Variants in KIF15 observed in about 807,000 individuals in gnomAD.
KIF15 encodes the protein kinesin family member 15, also known as kinesin-like protein KIF15.
In KIF15, 140 loss-of-function variants were observed where a neutral mutation model predicts 190.6. The observed-to-expected ratio is 0.73, with a 90% CI of 0.64 to 0.84. The LOEUF (loss-of-function observed/expected upper bound fraction) is 0.84. KIF15 is among the 40% of genes least tolerant of loss of function. KIF15 has a pLI of 0.00. For missense variants in KIF15, 1,372 were observed against 1,584.4 expected (o/e 0.87, Z 2.28); for synonymous variants, 528 against 551.3 (o/e 0.96, Z 0.59).
At chr3:44,847,194 T>G (rs1698885847) in intron 30 of KIF15, among the ~76,000 whole-genome samples, 1 of 152,198 alleles carries the variant, frequency 6.6e-6, no homozygotes, top group Non-Finnish European at 1.5e-5. Flanking sequence ...GAAAGAAACC[T>G]CACTGTAGCT....
chr3:44,841,554 C>T (rs1460440815), intron 29 of KIF15, among the ~76,000 whole-genome samples: 1 of 151,992 alleles, frequency 6.6e-6, no homozygotes, highest in Non-Finnish European at 1.5e-5. Context: ...CCCGCCACCA[C>T]ACTCGGCTAA....
At chr3:44,822,373 G>A (rs1451445590) in intron 20 of KIF15, among the ~76,000 whole-genome samples, 2 of 152,140 alleles carry the variant, frequency 1.3e-5, no homozygotes, top group Non-Finnish European at 2.9e-5. Flanking sequence ...TGAGAGATCC[G>A]CTGTTAGTCT....
At chr3:44,774,573 C>A in intron 2 of KIF15, 136 bp downstream of exon 2, 1 of 694,106 alleles carries the variant, frequency 1.4e-6, no homozygotes, top group Non-Finnish European at 2.5e-6. Flanking sequence ...TGTGGGAAAA[C>A]TGCATATTAC....
At chr3:44,851,997 A>G in intron 33 of KIF15, 45 bp downstream of exon 33, 1 of 1,576,584 alleles carries the variant, frequency 6.3e-7, no homozygotes, top group Non-Finnish European at 8.6e-7. Context: ...GAACACTCAA[A>G]TGAATAGAAC....
chr3:44,846,400 GT>G (rs968092703), intron 30 of KIF15, among the ~76,000 whole-genome samples: 37 of 149,368 alleles, frequency 2.5e-4, no homozygotes, highest in Admixed American at 5.4e-4. Context: ...GTTTTAATGT[GT>G]TTTTTTTTTC....
At chr3:44,802,576 A>G (rs1707328436) in intron 13 of KIF15, among the ~76,000 whole-genome samples, 1 of 152,108 alleles carries the variant, frequency 6.6e-6, no homozygotes, top group Non-Finnish European at 1.5e-5. Context: ...CCTTGTGCTT[A>G]CCTCCTTAGG....
intron 7 of KIF15, among the ~76,000 whole-genome samples, chr3:44,788,242 G>T (rs1706506346): frequency 6.6e-6 from 1 of 152,176 alleles, no homozygotes; most frequent in Admixed American, 6.5e-5. Flanking sequence ...CAGCCACCTT[G>T]CTGTCTTAAA....
chr3:44,823,760 G>A (rs1384523813), intron 20 of KIF15, among the ~76,000 whole-genome samples: 9 of 152,214 alleles, frequency 5.9e-5, no homozygotes, highest in Non-Finnish European at 8.8e-5. Flanking sequence ...CTCACAGGTC[G>A]ATCTCAGACT....
chr3:44,859,090 T>A (rs1280330217), intron 6 of KIF15, among the ~76,000 whole-genome samples: 1 of 152,166 alleles, frequency 6.6e-6, no homozygotes, highest in Non-Finnish European at 1.5e-5. Flanking sequence ...TTAGGAGGAA[T>A]CCCAGGGCTG....
chr3:44,824,116 C>G (rs1265974566), intron 20 of KIF15, among the ~76,000 whole-genome samples: 1 of 152,220 alleles, frequency 6.6e-6, no homozygotes, highest in African/African-American at 2.4e-5. Flanking sequence ...GAGCTGCAGA[C>G]TGCAGCTCTT....
At chr3:44,787,989 A>T (rs913731007) in intron 7 of KIF15, among the ~76,000 whole-genome samples, 2 of 151,996 alleles carry the variant, frequency 1.3e-5, no homozygotes, top group African/African-American at 4.8e-5. Flanking sequence ...CAAGTAGGTG[A>T]GACTACAGGC....
chr3:44,827,581 C>T, intron 23 of KIF15, 53 bp downstream of exon 23: 1 of 1,123,380 alleles, frequency 8.9e-7, no homozygotes, highest in East Asian at 2.4e-5. Context: ...ACTTTTATTC[C>T]TGATACCTAA....
At chr3:44,806,662 G>C (rs1230659816) in intron 16 of KIF15, among the ~76,000 whole-genome samples, 2 of 152,184 alleles carry the variant, frequency 1.3e-5, no homozygotes, top group Non-Finnish European at 2.9e-5. Flanking sequence ...GTGCAGGCCT[G>C]TAGTCCCGGC....
chr3:44,810,814 C>T, intron 16 of KIF15, 32 bp from the exon 17 acceptor site: 1 of 1,524,772 alleles, frequency 6.6e-7, no homozygotes, highest in Non-Finnish European at 9.0e-7. Context: ...TAAATATGTG[C>T]TAATGTTTTC....
intron 27 of KIF15, among the ~76,000 whole-genome samples, chr3:44,839,665 C>T (rs1698494863): frequency 6.6e-6 from 1 of 152,132 alleles, no homozygotes; most frequent in South Asian, 2.1e-4. Context: ...CCAACATCTC[C>T]CATTGCTGAT....
intron 22 of KIF15, 27 bp from the exon 23 acceptor site, chr3:44,827,432 G>A: frequency 1.3e-6 from 2 of 1,508,878 alleles, no homozygotes; most frequent in Non-Finnish European, 1.8e-6. Context: ...GTGAAGTCAG[G>A]GGTAAAAGAT....
At chr3:44,822,782 C>T (rs1697418749) in intron 20 of KIF15, among the ~76,000 whole-genome samples, 1 of 152,168 alleles carries the variant, frequency 6.6e-6, no homozygotes, top group African/African-American at 2.4e-5. Flanking sequence ...ACCCTTTCTT[C>T]CACTTGATCG....
At chr3:44,820,289 G>C (rs374142730) in intron 20 of KIF15, among the ~76,000 whole-genome samples, 2 of 143,700 alleles carry the variant, frequency 1.4e-5, no homozygotes, top group African/African-American at 5.1e-5. Flanking sequence ...TCATTATGAT[G>C]TTAGCTGGTT....
At position 44,840,655 on chromosome 3, in the gene KIF15, A is replaced by ATTTTTTTTTT. The variant is rs60621752; in HGVS notation, c.3420+219_3420+228dup. Among the ~76,000 whole-genome samples, 5 of 67,024 alleles carry ATTTTTTTTTT rather than the reference A, an allele frequency of 7.5e-5. 1 individual carries two copies. Among genetic ancestry groups the ATTTTTTTTTT allele is most frequent in the African/African-American group, 1.6e-4 (3 of 18,986 alleles). 44.0% of individuals were successfully genotyped at this position (67,024 alleles called of 152,430 possible). A position where few individuals can be genotyped will look rare whatever the true frequency, so the allele number is the denominator to read the frequency against. ...ATTAGAATAATAAGCTAAGCAGCGG[A>ATTTTTTTTTT]TTTTTTTTTTTTTTTTTTTTTTTTT... On this transcript the variant is annotated intron_variant, in intron 28 of 34. Transcript: ENST00000326047.
Sources: gnomAD v4.1 joint callset for allele counts (sites outside exome capture counted in the v4.1 genomes callset) on GRCh38, gnomAD v4.1.1 for gene constraint, MANE v1.5 for transcripts, NCBI Gene and HGNC (gene_info 2026-07-23, HGNC 2026-07-21) for gene names.